Variants in TRAK1 observed in about 807,000 individuals in gnomAD.
The protein encoded by TRAK1 is trafficking kinesin-binding protein 1.
In TRAK1, 33 loss-of-function variants were observed where a neutral mutation model predicts 92.1. The ratio of observed to expected loss-of-function variants is 0.36; its 90% CI spans 0.27 to 0.48. The LOEUF is 0.48. Among genes scored for constraint, TRAK1 ranks in the 20% least tolerant of loss-of-function variants. The pLI, the probability that TRAK1 is intolerant of heterozygous loss-of-function variation, is 0.99. For synonymous variants in TRAK1, 521 were observed against 517.3 expected (o/e 1.01, Z -0.10); for missense variants, 1,123 against 1,257.9 (o/e 0.89, Z 1.62).
chr3:42,105,710 A>T (rs567356290), intron 1 of TRAK1, among the ~76,000 whole-genome samples: 1 of 152,304 alleles, frequency 6.6e-6, no homozygotes, highest in African/African-American at 2.4e-5. Context: ...CCCAAGACAC[A>T]TAATTGTCAG....
At chr3:42,210,846 C>T (rs2149510134) in intron 14 of TRAK1, 1 of 982,162 alleles carries the variant, frequency 1.0e-6, no homozygotes, top group South Asian at 4.7e-5. Context: ...GCTGACTCCA[C>T]CCACTGTCCC....
intron 1 of TRAK1, among the ~76,000 whole-genome samples, chr3:42,096,098 T>TA (rs1200876251): frequency 6.6e-6 from 1 of 152,212 alleles, no homozygotes; most frequent in African/African-American, 2.4e-5. Flanking sequence ...TATTTTGCTC[T>TA]AGCAGCCTGA....
chr3:42,152,598 G>C (rs1334379855), intron 2 of TRAK1, among the ~76,000 whole-genome samples: 1 of 152,172 alleles, frequency 6.6e-6, no homozygotes, highest in African/African-American at 2.4e-5. Flanking sequence ...ACGTGTGTTT[G>C]GGAAACTGTG....
rs1036649231 is a variant in TRAK1, at chr3:42,204,086, A to C, written c.1744+1334A>C. The C allele has an allele frequency of 1.3e-5, 13 of 985,748 alleles. No homozygotes were observed. The East Asian group carries it at 1.2e-3, about 95-fold the overall frequency. 61.1% of individuals were successfully genotyped at this position (985,748 alleles called of 1,614,324 possible). A position where few individuals can be genotyped will look rare whatever the true frequency, so the allele number is the denominator to read the frequency against. ...CTTTCTTAGAGTTCAGAAAAGGTAT[A>C]GCTTACTCTTTTTTAATTGTTTATT... On this transcript the variant is annotated intron_variant, in intron 13 of 15. Coordinates refer to ENST00000327628, the MANE Select transcript of TRAK1 (RefSeq NM_001042646.3).
chr3:42,080,318 A>T (rs1704371375), intron 1 of TRAK1, among the ~76,000 whole-genome samples: 1 of 152,070 alleles, frequency 6.6e-6, no homozygotes, highest in Non-Finnish European at 1.5e-5. Flanking sequence ...GGGGCAGGGG[A>T]CCTGGGCCAC....
At chr3:42,160,578 T>A in intron 2 of TRAK1, 5 of 1,271,012 alleles carry the variant, frequency 3.9e-6, no homozygotes, top group Non-Finnish European at 5.3e-6. Context: ...TGTTTTTTTT[T>A]AAGTTGAGGT....
At chr3:42,169,275 C>T (rs941781777) in intron 2 of TRAK1, among the ~76,000 whole-genome samples, 1 of 151,590 alleles carries the variant, frequency 6.6e-6, no homozygotes, top group East Asian at 1.9e-4. Flanking sequence ...TGGGTTCATA[C>T]TATAGCATGC....
rs546931366 is a variant in TRAK1 at position 42,161,866 on chromosome 3, C to A, written c.287-14948C>A. On this transcript the variant is annotated intron_variant, in intron 2 of 15. Coordinates refer to ENST00000327628, the MANE Select transcript of TRAK1 (RefSeq NM_001042646.3). ...TGACGGGATTGAGGATTTGTTAGGT[C>A]CCTGGAAGGGATCAGGAGAAAGGTA... 7.2e-5 allele frequency among the ~76,000 whole-genome samples: 11 copies of A among 152,146 alleles called. 1 individual carries two copies. The South Asian group carries it at 2.3e-3, about 32-fold the overall frequency.
rs186705315 is a variant in TRAK1, at chr3:42,027,610, T to C, written c.-519+13493T>C. Among the ~76,000 whole-genome samples the C allele has an allele frequency of 1.5e-3, 235 of 152,326 alleles. 1 individual carries two copies. The highest frequency in any genetic ancestry group is 5.2e-3 in the African/African-American group (216 of 41,560). On this transcript the variant is annotated intron_variant, in intron 1 of 16. Coordinates refer to the TRAK1 transcript ENST00000487159. ...TCTATTTTCAAAAAGTACTTTTGTA[T>C]TTTAAACATTATTTAGTTGTAGAAA...
chr3:42,074,114 G>A (rs866681354), intron 1 of TRAK1, among the ~76,000 whole-genome samples: 4 of 152,298 alleles, frequency 2.6e-5, no homozygotes, highest in Middle Eastern at 3.4e-3. Context: ...TAAGAGCAGT[G>A]TTACTTAGAG....
chr3:42,175,406 A>T (rs904135436), intron 2 of TRAK1, among the ~76,000 whole-genome samples: 1 of 152,212 alleles, frequency 6.6e-6, no homozygotes, highest in African/African-American at 2.4e-5. Flanking sequence ...ACATCAAATT[A>T]GATCCTGGTT....
In TRAK1 at chr3:42,048,620, G is replaced by A. The variant is rs542685657; in HGVS notation, c.-519+34503G>A. ...TGTCTGTCACCTAGACTGGAGTGCA[G>A]TGGTGCGATCTCAGCTCACTGCAAC... is the stretch of plus-strand genomic sequence containing the variant. On this transcript the variant is annotated intron_variant, in intron 1 of 16. Coordinates refer to the TRAK1 transcript ENST00000487159. Among the ~76,000 whole-genome samples, 43 of 147,154 alleles carry A rather than the reference G, an allele frequency of 2.9e-4. 1 individual carries two copies. The highest frequency in any genetic ancestry group is 2.8e-3 in the Admixed American group (41 of 14,514).
chr3:42,092,711 G>GTGTTATGTTA (rs71078412), intron 1 of TRAK1, among the ~76,000 whole-genome samples: 5,024 of 100,916 alleles, frequency 0.05, 266 homozygotes, highest in African/African-American at 0.11. Flanking sequence ...GTGTTGTGTT[G>GTGTTATGTTA]TGTTATGTTA....
intron 1 of TRAK1, among the ~76,000 whole-genome samples, chr3:42,119,044 T>C (rs1294377682): frequency 6.6e-6 from 1 of 152,192 alleles, no homozygotes; most frequent in Non-Finnish European, 1.5e-5. Context: ...GCTGCTGCTC[T>C]CTCCTTCCCT....
intron 2 of TRAK1, among the ~76,000 whole-genome samples, chr3:42,135,783 G>GCT (rs1697878850): frequency 6.6e-6 from 1 of 152,174 alleles, no homozygotes. Context: ...ATCTGTCAGT[G>GCT]CTCTGGCTTG....
intron 14 of TRAK1, chr3:42,211,281 TC>T: frequency 1.0e-6 from 1 of 985,426 alleles, no homozygotes. Context: ...TTACTTGGGA[TC>T]AACTTTTCCT....
intron 2 of TRAK1, among the ~76,000 whole-genome samples, chr3:42,173,880 C>T (rs941967602): frequency 3.9e-5 from 6 of 152,150 alleles, no homozygotes. Flanking sequence ...TTAGCTGCTA[C>T]CTCTACCGAG....
intron 5 of TRAK1, among the ~76,000 whole-genome samples, chr3:42,188,528 A>G (rs556079421): frequency 4.4e-4 from 67 of 152,280 alleles, no homozygotes; most frequent in African/African-American, 1.6e-3. Context: ...GCAGATCCTC[A>G]TGTTGGGAGC....
chr3:42,185,284 G>T (rs1445736741), intron 4 of TRAK1, among the ~76,000 whole-genome samples: 1 of 152,192 alleles, frequency 6.6e-6, no homozygotes, highest in African/African-American at 2.4e-5. Flanking sequence ...GAGGAAAGTG[G>T]TGACTCACAT....
Sources: gnomAD v4.1 joint callset for allele counts (sites outside exome capture counted in the v4.1 genomes callset) on GRCh38, gnomAD v4.1.1 for gene constraint, MANE v1.5 for transcripts, NCBI Gene and HGNC (gene_info 2026-07-23, HGNC 2026-07-21) for gene names.